CAMTA1: variants seen among roughly 807,000 people sequenced by gnomAD.
CAMTA1 encodes the protein calmodulin-binding transcription activator 1.
CAMTA1 carries 27 observed loss-of-function variants against 170.9 expected under a neutral mutation model. That is an observed-to-expected ratio of 0.16 (90% CI 0.12 to 0.22). The LOEUF is 0.22. Ranked by LOEUF, CAMTA1 falls within the 10% of genes least tolerant of loss-of-function variation. CAMTA1 has a pLI of 1.00. For synonymous variants in CAMTA1, 833 were observed against 891.5 expected, an observed-to-expected ratio of 0.93 and a Z score of 1.17; for missense variants, 1,619 against 2,217.2, an observed-to-expected ratio of 0.73 and a Z score of 5.42.
intron 4 of CAMTA1, among the ~76,000 whole-genome samples, chr1:7,151,972 C>T (rs190196138): frequency 4.9e-4 from 74 of 152,284 alleles, no homozygotes; most frequent in Middle Eastern, 3.4e-3. Flanking sequence ...AATTATTTCT[C>T]AGTCACTTTA....
At chr1:7,525,494 A>C (rs1220122137) in intron 6 of CAMTA1, among the ~76,000 whole-genome samples, 3 of 152,074 alleles carry the variant, frequency 2.0e-5, no homozygotes, top group Non-Finnish European at 2.9e-5. Context: ...AAATCTCTTC[A>C]ATAATATTAT....
chr1:7,307,398 G>T (rs1420038055), intron 5 of CAMTA1, among the ~76,000 whole-genome samples: 12 of 151,724 alleles, frequency 7.9e-5, no homozygotes, highest in Admixed American at 7.9e-4. Context: ...GAAAATAGGG[G>T]CAGCTTTTCT....
In CAMTA1 at chr1:7,680,805, A is replaced by G; in HGVS notation, c.2914+3072A>G. Reference sequence around the variant, plus strand: ...AACATGAATTTGTTTGCTTGGCTAAAGGCCGGGGGGGGGCGTGGGTCCGGG... The same window carrying G: ...AACATGAATTTGTTTGCTTGGCTAAGGGCCGGGGGGGGGCGTGGGTCCGGG... On this transcript the variant is annotated intron_variant, in intron 11 of 22. Transcript: ENST00000303635. The surrounding 1 kb of genome is among the most constrained non-coding windows in gnomAD (Gnocchi z 4.4). Among the ~76,000 whole-genome samples, 1 of 93,540 alleles carries G rather than the reference A, an allele frequency of 1.1e-5. No homozygotes were observed. The highest frequency in any genetic ancestry group is 4.0e-5 in the African/African-American group (1 of 25,236). The allele number at this position is 93,540 out of a possible 152,430, so 61.4% of individuals were successfully genotyped here.
intron 11 of CAMTA1, among the ~76,000 whole-genome samples, chr1:7,703,022 G>T (rs1335222156): frequency 6.6e-6 from 1 of 152,192 alleles, no homozygotes; most frequent in African/African-American, 2.4e-5. Flanking sequence ...AGCCCACTCT[G>T]AACCCAGGGG....
intron 3 of CAMTA1, among the ~76,000 whole-genome samples, chr1:7,085,918 G>T (rs923092007): frequency 6.6e-6 from 1 of 152,196 alleles, no homozygotes; most frequent in African/African-American, 2.4e-5. Flanking sequence ...GACACCAGGT[G>T]CAGCATCGCA....
chr1:6,976,158 G>T (rs1056210545), intron 3 of CAMTA1, among the ~76,000 whole-genome samples: 3 of 152,214 alleles, frequency 2.0e-5, no homozygotes, highest in Non-Finnish European at 4.4e-5. Context: ...AAACGAAACA[G>T]TCAGTGCCTG....
At chr1:7,657,831 A>T (rs1374062248) in intron 7 of CAMTA1, among the ~76,000 whole-genome samples, 1 of 152,074 alleles carries the variant, frequency 6.6e-6, no homozygotes, top group Non-Finnish European at 1.5e-5. Context: ...GACAGTAGGT[A>T]ATTTGCATTA....
At chr1:7,452,329 T>C (rs1036540611) in intron 5 of CAMTA1, among the ~76,000 whole-genome samples, 1 of 152,178 alleles carries the variant, frequency 6.6e-6, no homozygotes, top group East Asian at 1.9e-4. Flanking sequence ...CTGGCCCTTG[T>C]CTGTGCCTGG....
chr1:7,354,050 C>T (rs1169939911), intron 5 of CAMTA1, among the ~76,000 whole-genome samples: 5 of 152,112 alleles, frequency 3.3e-5, no homozygotes. Flanking sequence ...AGGATTATGG[C>T]CTCCAGCTGC....
intron 3 of CAMTA1, among the ~76,000 whole-genome samples, chr1:6,993,971 C>G (rs1696787569): frequency 6.6e-6 from 1 of 151,910 alleles, no homozygotes; most frequent in Admixed American, 6.6e-5. Flanking sequence ...TTTGTTCATG[C>G]CTCTTTGCAT....
chr1:7,532,309 A>AT lies in CAMTA1; in HGVS notation c.510+64418dup, dbSNP rs553501637. Among the ~76,000 whole-genome samples the AT allele has an allele frequency of 9.4e-4, 138 of 147,360 alleles. No homozygotes were observed. Among genetic ancestry groups the AT allele is most frequent in the Admixed American group, 3.3e-3 (49 of 14,786 alleles). ...TTCTCAGCTTCTTTCATTTCTTTCT[A>AT]TTTTTTTTTTAGAGACAGATTTCAC... On this transcript the variant is annotated intron_variant, in intron 6 of 22. Transcript: ENST00000303635. This position sits in a 1 kb window ranked among gnomAD's most constrained non-coding sequence, Gnocchi z 4.2.
chr1:6,940,754 T>C (rs375296115), intron 3 of CAMTA1, among the ~76,000 whole-genome samples: 9 of 151,646 alleles, frequency 5.9e-5, no homozygotes, highest in East Asian at 2.0e-4. Context: ...GCCCTCGGAG[T>C]TGAGGGAGGC....
At chr1:7,351,988 C>T (rs185341150) in intron 5 of CAMTA1, among the ~76,000 whole-genome samples, 1 of 152,242 alleles carries the variant, frequency 6.6e-6, no homozygotes, top group East Asian at 1.9e-4. Flanking sequence ...TGCCATGAAA[C>T]AGAAAAGCAG....
At chr1:7,643,214 T>G (rs1281018471) in intron 7 of CAMTA1, among the ~76,000 whole-genome samples, 1 of 152,176 alleles carries the variant, frequency 6.6e-6, no homozygotes, top group African/African-American at 2.4e-5. Context: ...TCTGTCTGCT[T>G]CTTCTTAGGT....
intron 4 of CAMTA1, among the ~76,000 whole-genome samples, chr1:7,147,792 T>G (rs547033169): frequency 8.4e-6 from 1 of 119,690 alleles, no homozygotes; most frequent in Non-Finnish European, 1.7e-5. Flanking sequence ...CTCAAACATA[T>G]ACCATGCACA....
intron 7 of CAMTA1, among the ~76,000 whole-genome samples, chr1:7,655,137 C>T (rs2095881250): frequency 7.1e-6 from 1 of 140,640 alleles, no homozygotes; most frequent in Non-Finnish European, 1.5e-5. Context: ...TCTATACACA[C>T]AAACCCACCT....
intron 4 of CAMTA1, among the ~76,000 whole-genome samples, chr1:7,194,884 C>A (rs1450644981): frequency 6.6e-6 from 1 of 152,196 alleles, no homozygotes; most frequent in Non-Finnish European, 1.5e-5. Context: ...CAAGGCCCTC[C>A]TTCTCCTTTG....
Position 7,532,308 on chromosome 1 carries a change from TA to T in CAMTA1, c.510+64408del, listed in dbSNP as rs2094501515. Among the ~76,000 whole-genome samples, 1 of 152,088 alleles carries T rather than the reference TA, an allele frequency of 6.6e-6. No individual in the cohort carries two copies. Among genetic ancestry groups the T allele is most frequent in the East Asian group, 1.9e-4 (1 of 5,188 alleles). ...CTTCTCAGCTTCTTTCATTTCTTTC[TA>T]TTTTTTTTTTAGAGACAGATTTCAC... On this transcript the variant is annotated intron_variant, in intron 6 of 22. Transcript: ENST00000303635. The surrounding 1 kb of genome is among the most constrained non-coding windows in gnomAD (Gnocchi z 4.2).
At position 7,539,783 on chromosome 1, in the gene CAMTA1, C is replaced by G. The variant is rs1233727203; in HGVS notation, c.510+71882C>G. Among the ~76,000 whole-genome samples, 12 of 152,252 alleles carry G rather than the reference C, an allele frequency of 7.9e-5. 1 individual carries two copies. The highest frequency in any genetic ancestry group is 1.2e-4 in the Non-Finnish European group (8 of 68,042). On this transcript the variant is annotated intron_variant, in intron 6 of 22. Transcript: ENST00000303635. ...GACATAGGAAGGCAGGGCCAGACGG[C>G]AGGGCCAACGTGGAAGGTGCCTGCA...
Sources: allele counts gnomAD v4.1 joint callset (sites outside exome capture counted in the v4.1 genomes callset), GRCh38; gene constraint gnomAD v4.1.1; non-coding constraint Gnocchi (gnomAD v3.1); transcripts MANE v1.5; gene names NCBI Gene and HGNC (gene_info 2026-07-23, HGNC 2026-07-21).